ASIC2: variants seen among roughly 807,000 people sequenced by gnomAD.
ASIC2 encodes acid-sensing ion channel 2.
In ASIC2, 25 loss-of-function variants were observed where a neutral mutation model predicts 57.3. The ratio of observed to expected loss-of-function variants is 0.44; its 90% CI spans 0.32 to 0.61. ASIC2 has a LOEUF of 0.61. ASIC2 is among the 20% of genes least tolerant of loss of function. ASIC2 has a pLI of 0.06. For missense variants in ASIC2, 641 were observed against 738.1 expected (o/e 0.87, Z 1.52); for synonymous variants, 319 against 307.5 (o/e 1.04, Z -0.39).
intron 1 of ASIC2, among the ~76,000 whole-genome samples, chr17:33,638,004 G>A (rs151013422): frequency 6.6e-6 from 1 of 152,188 alleles, no homozygotes; most frequent in East Asian, 1.9e-4. Context: ...CTCTGGGTGG[G>A]GGCCACAGGA....
At chr17:33,224,453 T>C (rs1907802372) in intron 1 of ASIC2, among the ~76,000 whole-genome samples, 1 of 152,052 alleles carries the variant, frequency 6.6e-6, no homozygotes. Context: ...AAAGGTAAAG[T>C]GATGTTGCTC....
At chr17:33,986,831 G>A (rs1905835760) in intron 1 of ASIC2, among the ~76,000 whole-genome samples, 1 of 152,118 alleles carries the variant, frequency 6.6e-6, no homozygotes, top group African/African-American at 2.4e-5. Flanking sequence ...TTTGGATAAA[G>A]GTCTGCCATG....
At chr17:33,186,857 T>C (rs1178936847) in intron 1 of ASIC2, among the ~76,000 whole-genome samples, 1 of 152,158 alleles carries the variant, frequency 6.6e-6, no homozygotes, top group Admixed American at 6.5e-5. Flanking sequence ...AGCAAAAATT[T>C]TAAAAAATCA....
intron 1 of ASIC2, among the ~76,000 whole-genome samples, chr17:33,116,956 C>A (rs1049893564): frequency 1.3e-5 from 2 of 151,330 alleles, no homozygotes; most frequent in Admixed American, 1.3e-4. Flanking sequence ...CTCAAGCAAT[C>A]CTCTCACCTC....
At chr17:33,219,539 G>A (rs1907618801) in intron 1 of ASIC2, among the ~76,000 whole-genome samples, 2 of 152,156 alleles carry the variant, frequency 1.3e-5, no homozygotes, top group Admixed American at 1.3e-4. Flanking sequence ...AAACACCGAA[G>A]CTCAGACCAG....
At chr17:33,939,182 A>G (rs1421382566) in intron 1 of ASIC2, among the ~76,000 whole-genome samples, 2 of 152,242 alleles carry the variant, frequency 1.3e-5, no homozygotes, top group African/African-American at 4.8e-5. Context: ...TAGTAAAACT[A>G]TAAGCTTCCT....
chr17:33,084,092 G>A (rs549899343), intron 3 of ASIC2, among the ~76,000 whole-genome samples: 25 of 152,168 alleles, frequency 1.6e-4, no homozygotes, highest in Admixed American at 7.9e-4. Flanking sequence ...GCAGAGCCGG[G>A]AGTGGGTGCA....
chr17:34,022,280 C>T (rs751262198), intron 1 of ASIC2, among the ~76,000 whole-genome samples: 11 of 152,132 alleles, frequency 7.2e-5, no homozygotes, highest in Non-Finnish European at 1.0e-4. Context: ...AGCATTCTGT[C>T]CAAGTTCACC....
chr17:33,883,967 T>C (rs1392896957), intron 1 of ASIC2, among the ~76,000 whole-genome samples: 1 of 151,886 alleles, frequency 6.6e-6, no homozygotes, highest in African/African-American at 2.4e-5. Flanking sequence ...GAAGTAAGAG[T>C]TGAGATTCAA....
chr17:33,627,043 C>A (rs1361464326), intron 1 of ASIC2: 1 of 152,384 alleles, frequency 6.6e-6, no homozygotes, highest in African/African-American at 2.4e-5. Context: ...CACAGGCACA[C>A]TTCAGCCTCC....
rs186470567 is a variant in ASIC2, at chr17:33,706,326, C to A, written c.555+449652G>T. Among the ~76,000 whole-genome samples, 174 of 151,616 alleles carry A rather than the reference C, an allele frequency of 1.1e-3. 1 individual carries two copies. Among genetic ancestry groups the A allele is most frequent in the African/African-American group, 4.1e-3 (169 of 41,366 alleles). The stretch of plus-strand genomic sequence containing the variant: ...TCTTCACCTCCCAGGCTCAAGCCAT[C>A]CTCCCACCTCAGCCTCCCCAGTAGC... On this transcript the variant is annotated intron_variant, in intron 1 of 9. Coordinates refer to the ASIC2 transcript ENST00000359872.
chr17:33,719,165 G>T (rs552566725), intron 1 of ASIC2, among the ~76,000 whole-genome samples: 1 of 152,326 alleles, frequency 6.6e-6, no homozygotes, highest in African/African-American at 2.4e-5. Flanking sequence ...CCCTTGTCTG[G>T]GTGGGAGGGA....
At chr17:33,060,461 G>T (rs951935275) in intron 3 of ASIC2, among the ~76,000 whole-genome samples, 2 of 151,956 alleles carry the variant, frequency 1.3e-5, no homozygotes, top group Non-Finnish European at 2.9e-5. Flanking sequence ...TGTCAAAGAT[G>T]AAATAGTGTA....
At chr17:34,030,661 A>G (rs1396111865) in intron 1 of ASIC2, among the ~76,000 whole-genome samples, 1 of 152,184 alleles carries the variant, frequency 6.6e-6, no homozygotes, top group Non-Finnish European at 1.5e-5. Flanking sequence ...CCACCCTAAT[A>G]CTGCGCTTTT....
intron 1 of ASIC2, among the ~76,000 whole-genome samples, chr17:33,413,831 C>G (rs1439596995): frequency 1.3e-5 from 2 of 152,238 alleles, no homozygotes; most frequent in Non-Finnish European, 2.9e-5. Context: ...AGCACTCTGC[C>G]TTGCTCCTTC....
In ASIC2 at chr17:33,099,338, G is replaced by A. The variant is rs2141975673; in HGVS notation, c.860-10348C>T. Among the ~76,000 whole-genome samples the A allele has an allele frequency of 2.6e-5, 4 of 152,242 alleles. No individual in the cohort carries two copies. In the Middle Eastern group the frequency reaches 0.014, roughly 518 times the overall value. On this transcript the variant is annotated intron_variant, in intron 2 of 9. Coordinates refer to ENST00000225823, the MANE Select transcript of ASIC2 (RefSeq NM_183377.2). ...AGCCGCTTACCGCATTTTAAAATGA[G>A]TTAATCTGTTAAATGACTAGAACTG...
At chr17:34,095,607 T>TTATATATATA (rs3071169) in intron 1 of ASIC2, among the ~76,000 whole-genome samples, 3 of 96,120 alleles carry the variant, frequency 3.1e-5, no homozygotes, top group Admixed American at 1.1e-4. Context: ...CAGGCAAATT[T>TTATATATATA]TATATATATA....
At chr17:34,034,597 G>C (rs995726901) in intron 1 of ASIC2, among the ~76,000 whole-genome samples, 70 of 152,256 alleles carry the variant, frequency 4.6e-4, no homozygotes, top group African/African-American at 1.7e-3. Flanking sequence ...TGACATGATT[G>C]TATATCTAGA....
intron 1 of ASIC2, among the ~76,000 whole-genome samples, chr17:33,234,979 CG>C (rs1478280358): frequency 2.6e-5 from 4 of 152,212 alleles, no homozygotes; most frequent in Non-Finnish European, 5.9e-5. Flanking sequence ...CACAAAACTG[CG>C]GCTGCATCCT....
Sources: gnomAD v4.1 joint callset for allele counts (sites outside exome capture counted in the v4.1 genomes callset) on GRCh38, gnomAD v4.1.1 for gene constraint, MANE v1.5 for transcripts, NCBI Gene and HGNC (gene_info 2026-07-23, HGNC 2026-07-21) for gene names.